FMN1: variants seen among roughly 807,000 people sequenced by gnomAD.
The protein encoded by FMN1 is formin 1, also known as formin-1.
FMN1 carries 110 observed loss-of-function variants against 132.4 expected under a neutral mutation model. The observed-to-expected ratio is 0.83, with a 90% confidence interval of 0.71 to 0.97. The LOEUF is 0.97. Among genes scored for constraint, FMN1 ranks in the 50% least tolerant of loss-of-function variants. The pLI is 0.00. For synonymous variants in FMN1, 722 were observed against 651.7 expected, an observed-to-expected ratio of 1.11 and a Z score of -1.64; for missense variants, 1,792 against 1,705.3, an observed-to-expected ratio of 1.05 and a Z score of -0.90.
chr15:32,811,256 G>T, intron 17 of FMN1: 2 of 365,524 alleles, frequency 5.5e-6, no homozygotes, highest in Non-Finnish European at 1.1e-5. Context: ...AGTTTTCCTG[G>T]TTGTGGTGAA....
chr15:32,924,507 G>A (rs540924224), intron 10 of FMN1, among the ~76,000 whole-genome samples: 1 of 152,286 alleles, frequency 6.6e-6, no homozygotes, highest in Admixed American at 6.5e-5. Flanking sequence ...AACATGAACT[G>A]AAACCTAAAG....
At chr15:32,961,199 T>A (rs2030498244) in intron 9 of FMN1, among the ~76,000 whole-genome samples, 1 of 151,062 alleles carries the variant, frequency 6.6e-6, no homozygotes. Flanking sequence ...AATGCGGCAA[T>A]CTCAGCTCAC....
chr15:32,843,137 A>G (rs1183722413), intron 17 of FMN1, among the ~76,000 whole-genome samples: 2 of 4,478 alleles, frequency 4.5e-4, no homozygotes, highest in East Asian at 0.1. Flanking sequence ...CAAAAAGAGA[A>G]AAAAAAAAAA....
intron 6 of FMN1, among the ~76,000 whole-genome samples, chr15:33,011,243 A>G (rs967671904): frequency 6.6e-6 from 1 of 152,168 alleles, no homozygotes; most frequent in East Asian, 1.9e-4. Flanking sequence ...CAGTCCAGAA[A>G]GATACCATGA....
intron 17 of FMN1, among the ~76,000 whole-genome samples, chr15:32,814,702 ACT>A (rs1381329057): frequency 6.6e-6 from 1 of 152,072 alleles, no homozygotes; most frequent in Admixed American, 6.6e-5. Context: ...TTCCCAGACA[ACT>A]CTGTCTCATC....
rs71117104 is a variant in FMN1 at position 33,077,369 on chromosome 15, AT to A, written c.2043+11429del. Among the ~76,000 whole-genome samples the A allele has an allele frequency of 3.4e-4, 48 of 140,346 alleles. 1 individual carries two copies. The highest frequency in any genetic ancestry group is 1.1e-3 in the African/African-American group (41 of 37,608). The allele number at this position is 140,346 out of a possible 152,430, so 92.1% of individuals were successfully genotyped here. ...TTTTTTTTTTAATATATATATATAT[AT>A]TTTTTTTATTATACTTTAAGTTCTA... is the stretch of plus-strand genomic sequence containing the variant. On this transcript the variant is annotated intron_variant, in intron 5 of 20. Coordinates refer to ENST00000616417, the MANE Select transcript of FMN1 (RefSeq NM_001277313.2).
intron 16 of FMN1, among the ~76,000 whole-genome samples, chr15:32,867,357 T>G (rs34330936): frequency 0.18 from 27,853 of 152,262 alleles, 3,279 homozygotes; most frequent in Non-Finnish European, 0.26. Context: ...CTGCTCTCCC[T>G]GCCACAGTGG....
intron 19 of FMN1, among the ~76,000 whole-genome samples, chr15:32,789,514 G>A (rs1036253995): frequency 6.6e-6 from 1 of 152,160 alleles, no homozygotes; most frequent in Admixed American, 6.5e-5. Flanking sequence ...ATATATGATG[G>A]TGGTCCCATA....
chr15:32,981,518 A>AATAAT (rs2032658974), intron 7 of FMN1, among the ~76,000 whole-genome samples: 1 of 140,634 alleles, frequency 7.1e-6, no homozygotes, highest in South Asian at 2.2e-4. Flanking sequence ...ACTCCATCTC[A>AATAAT]AATAATAATA....
chr15:32,900,762 G>T (rs956597370), intron 13 of FMN1, among the ~76,000 whole-genome samples: 3 of 152,028 alleles, frequency 2.0e-5, no homozygotes, highest in Non-Finnish European at 4.4e-5. Flanking sequence ...TCATTTGTTT[G>T]TCCTTTTATT....
chr15:33,047,766 G>C (rs1022904913), intron 6 of FMN1, among the ~76,000 whole-genome samples: 4 of 152,100 alleles, frequency 2.6e-5, no homozygotes, highest in Non-Finnish European at 4.4e-5. Context: ...AATTTCTGAA[G>C]ATCTGTTTTG....
At chr15:33,086,941 T>C (rs530361368) in intron 5 of FMN1, among the ~76,000 whole-genome samples, 2 of 152,344 alleles carry the variant, frequency 1.3e-5, no homozygotes, top group Admixed American at 6.5e-5. Context: ...TTGCCACCCA[T>C]GTGAACATCA....
intron 2 of FMN1, among the ~76,000 whole-genome samples, chr15:33,180,713 A>G (rs1228720577): frequency 6.7e-6 from 1 of 148,548 alleles, no homozygotes; most frequent in African/African-American, 2.5e-5. Context: ...AGTCACACAC[A>G]GCCAGATCCC....
chr15:33,075,644 A>G (rs2038179170), intron 5 of FMN1, among the ~76,000 whole-genome samples: 1 of 152,052 alleles, frequency 6.6e-6, no homozygotes, highest in South Asian at 2.1e-4. Flanking sequence ...CTCCAACATG[A>G]TTTTTAAACC....
chr15:33,089,106 A>G, intron 4 of FMN1, 132 bp from the exon 5 acceptor site: 1 of 732,294 alleles, frequency 1.4e-6, no homozygotes, highest in Non-Finnish European at 2.1e-6. Flanking sequence ...TATATTTTTA[A>G]GAGACTGCTT....
At chr15:33,087,979 TG>T (rs1293461647) in intron 5 of FMN1, among the ~76,000 whole-genome samples, 1 of 152,136 alleles carries the variant, frequency 6.6e-6, no homozygotes, top group African/African-American at 2.4e-5. Context: ...AAACATTCTA[TG>T]TTCTCACTCA....
At chr15:33,005,925 G>C (rs2140934818) in intron 7 of FMN1, among the ~76,000 whole-genome samples, 2 of 152,290 alleles carry the variant, frequency 1.3e-5, no homozygotes, top group Non-Finnish European at 2.9e-5. Flanking sequence ...CTAGGAGACA[G>C]AGGTACTTTT....
intron 5 of FMN1, among the ~76,000 whole-genome samples, chr15:33,077,597 G>T (rs1474594250): frequency 6.6e-6 from 1 of 151,558 alleles, no homozygotes; most frequent in Non-Finnish European, 1.5e-5. Context: ...TCCCATCCAT[G>T]AGTGGGAACA....
intron 7 of FMN1, among the ~76,000 whole-genome samples, chr15:32,974,761 A>C (rs1008199722): frequency 6.6e-6 from 1 of 151,678 alleles, no homozygotes; most frequent in African/African-American, 2.4e-5. Flanking sequence ...TAGTAAAACA[A>C]CACAATATCA....
Sources: gnomAD v4.1 joint callset for allele counts (sites outside exome capture counted in the v4.1 genomes callset) on GRCh38, gnomAD v4.1.1 for gene constraint, MANE v1.5 for transcripts, NCBI Gene and HGNC (gene_info 2026-07-23, HGNC 2026-07-21) for gene names.